NTM: variants seen among roughly 807,000 people sequenced by gnomAD.
NTM encodes neurotrimin, also known as IgLON family member 2.
A neutral mutation model predicts 42.1 loss-of-function variants in NTM; 13 were observed. The observed-to-expected ratio is 0.31, with a 90% CI of 0.20 to 0.49. The LOEUF is 0.49. NTM is among the 20% of genes least tolerant of loss of function. The pLI, the probability that NTM is intolerant of heterozygous loss-of-function variation, is 0.99. For missense variants in NTM, 373 were observed against 452.8 expected, an observed-to-expected ratio of 0.82 and a Z score of 1.60; for synonymous variants, 187 against 179.2, an observed-to-expected ratio of 1.04 and a Z score of -0.35.
chr11:131,827,004 G>A lies in NTM; in HGVS notation c.83-84560G>A, dbSNP rs187410673. ...GGAGGTGGTAGTGCCCCCAGGGAGT[G>A]CATTAATTCATTTATTCATGCATGT... On this transcript the variant is annotated intron_variant, in intron 1 of 8. Coordinates refer to ENST00000683400, the MANE Select transcript of NTM (RefSeq NM_001352005.2). Among the ~76,000 whole-genome samples the A allele has an allele frequency of 1.9e-3, 292 of 152,144 alleles. 2 individuals are homozygous for A. The highest frequency in any genetic ancestry group is 6.8e-3 in the African/African-American group (282 of 41,486).
Position 131,864,401 on chromosome 11 carries a change from G to A in NTM, c.83-47163G>A, listed in dbSNP as rs147483256. 1.3e-3 allele frequency among the ~76,000 whole-genome samples: 195 copies of A among 152,234 alleles called. 1 individual carries two copies. Among genetic ancestry groups the A allele is most frequent in the African/African-American group, 4.5e-3 (186 of 41,544 alleles). ...CAGGATTGGTCCAGGAACTCCTCCCGCTGGACTGACTGGTTTCAATTAAGA... is the reference window on the plus strand; with the variant it reads ...CAGGATTGGTCCAGGAACTCCTCCCACTGGACTGACTGGTTTCAATTAAGA... On this transcript the variant is annotated intron_variant, in intron 1 of 8. Coordinates refer to ENST00000683400, the MANE Select transcript of NTM (RefSeq NM_001352005.2).
intron 7 of NTM, among the ~76,000 whole-genome samples, chr11:132,323,608 CT>C (rs1427493315): frequency 6.6e-6 from 1 of 152,126 alleles, no homozygotes. Flanking sequence ...CAAGGAGGAA[CT>C]GGTACCATTC....
intron 1 of NTM, among the ~76,000 whole-genome samples, chr11:131,445,524 T>C (rs1326730936): frequency 6.6e-6 from 1 of 152,144 alleles, no homozygotes; most frequent in Non-Finnish European, 1.5e-5. Flanking sequence ...GGCTGTGACC[T>C]TGTGGGGTGT....
intron 2 of NTM, among the ~76,000 whole-genome samples, chr11:132,142,538 G>T (rs1326613447): frequency 6.6e-6 from 1 of 152,150 alleles, no homozygotes; most frequent in Non-Finnish European, 1.5e-5. Flanking sequence ...CATTGTTGAG[G>T]AGACTGGATC....
chr11:131,954,387 C>T (rs1035650011), intron 2 of NTM, among the ~76,000 whole-genome samples: 6 of 152,192 alleles, frequency 3.9e-5, no homozygotes, highest in Non-Finnish European at 5.9e-5. Context: ...CAGGCCAAGC[C>T]TTCACCTGGA....
chr11:131,866,130 T>C (rs567250351), intron 1 of NTM, among the ~76,000 whole-genome samples: 43 of 150,692 alleles, frequency 2.9e-4, no homozygotes, highest in African/African-American at 1.0e-3. Context: ...ATGCCTCACA[T>C]ACACATGCAT....
In NTM at chr11:131,559,625, C is replaced by T. The variant is rs117858691; in HGVS notation, c.82+188737C>T. ...ATATGAGTCAAAATATAGGTTAAGA[C>T]GCTGTAATCAGGCCTCTCCCAAAAC... is the stretch of plus-strand genomic sequence containing the variant. On this transcript the variant is annotated intron_variant, in intron 1 of 8. Coordinates refer to ENST00000683400, the MANE Select transcript of NTM (RefSeq NM_001352005.2). Among the ~76,000 whole-genome samples the T allele has an allele frequency of 2.1e-3, 324 of 152,290 alleles. 5 individuals are homozygous for T. In the East Asian group the frequency reaches 0.031, roughly 14 times the overall value.
intron 1 of NTM, among the ~76,000 whole-genome samples, chr11:131,402,936 A>T (rs192124841): frequency 3.9e-5 from 6 of 152,346 alleles, no homozygotes; most frequent in Non-Finnish European, 8.8e-5. Flanking sequence ...TAAATTTCAC[A>T]ATTAAAATAA....
intron 2 of NTM, among the ~76,000 whole-genome samples, chr11:131,961,629 C>T (rs973205776): frequency 2.0e-5 from 3 of 152,134 alleles, no homozygotes; most frequent in African/African-American, 7.2e-5. Context: ...GTCTCAAAGG[C>T]CACACTAGCA....
intron 1 of NTM, among the ~76,000 whole-genome samples, chr11:131,658,126 T>C (rs1453046236): frequency 6.6e-6 from 1 of 152,188 alleles, no homozygotes; most frequent in Non-Finnish European, 1.5e-5. Flanking sequence ...TCTCTTTCCA[T>C]TAAGTTTTCA....
chr11:132,221,561 G>A (rs532385708), intron 4 of NTM, among the ~76,000 whole-genome samples: 1 of 151,998 alleles, frequency 6.6e-6, no homozygotes, highest in East Asian at 1.9e-4. Flanking sequence ...CTGGACCATT[G>A]CATCAACCAG....
At chr11:131,632,080 A>G (rs952727063) in intron 1 of NTM, among the ~76,000 whole-genome samples, 4 of 152,198 alleles carry the variant, frequency 2.6e-5, no homozygotes, top group African/African-American at 9.7e-5. Flanking sequence ...TTAGATCTGC[A>G]GATGTGGTGA....
chr11:132,330,121 C>T (rs182635948), intron 7 of NTM, 32 bp from the exon 8 acceptor site: 1 of 1,551,554 alleles, frequency 6.4e-7, no homozygotes, highest in East Asian at 2.4e-5. Flanking sequence ...TGCTTTCGAC[C>T]TTAACAGTGG....
chr11:132,115,528 C>A (rs1566200819), intron 2 of NTM, among the ~76,000 whole-genome samples: 1 of 152,164 alleles, frequency 6.6e-6, no homozygotes, highest in Non-Finnish European at 1.5e-5. Flanking sequence ...ACATAGGTAA[C>A]ATTTTCCTGT....
At chr11:131,588,537 T>C (rs902785240) in intron 1 of NTM, among the ~76,000 whole-genome samples, 1 of 152,246 alleles carries the variant, frequency 6.6e-6, no homozygotes, top group African/African-American at 2.4e-5. Flanking sequence ...ATGCTGGATC[T>C]GGGTAGGGCA....
chr11:132,327,223 C>T (rs1261224529), intron 7 of NTM, among the ~76,000 whole-genome samples: 2 of 152,180 alleles, frequency 1.3e-5, no homozygotes, highest in Admixed American at 1.3e-4. Flanking sequence ...TCAGCGGCTC[C>T]GTGGCTGTTC....
intron 1 of NTM, among the ~76,000 whole-genome samples, chr11:131,846,097 A>AT (rs2044870686): frequency 6.6e-6 from 1 of 152,044 alleles, no homozygotes; most frequent in Non-Finnish European, 1.5e-5. Flanking sequence ...GTATAATTTG[A>AT]TTTTCCGTGC....
intron 1 of NTM, chr11:131,910,139 G>A (rs2054494739): frequency 6.6e-6 from 1 of 152,224 alleles, no homozygotes; most frequent in African/African-American, 2.4e-5. Flanking sequence ...CAGCTTTGTG[G>A]GGGGCTGCTG....
At chr11:132,221,619 TG>T (rs1338152912) in intron 4 of NTM, among the ~76,000 whole-genome samples, 3 of 151,920 alleles carry the variant, frequency 2.0e-5, no homozygotes, top group African/African-American at 7.3e-5. Context: ...GCTGTAAGGG[TG>T]GGGTCCAGCA....
Sources: gnomAD v4.1 joint callset for allele counts (sites outside exome capture counted in the v4.1 genomes callset) on GRCh38, gnomAD v4.1.1 for gene constraint, MANE v1.5 for transcripts, NCBI Gene and HGNC (gene_info 2026-07-23, HGNC 2026-07-21) for gene names.